Variants in ZNF418 observed in about 807,000 individuals in gnomAD.
The protein encoded by ZNF418 is zinc finger protein 418.
In ZNF418, 32 loss-of-function variants were observed where a neutral mutation model predicts 32.0. That is an observed-to-expected ratio of 1.00 (90% confidence interval 0.75 to 1.34). The LOEUF (loss-of-function observed/expected upper bound fraction) is 1.34, where lower values mean the gene tolerates loss of function less well. ZNF418 is among the 40% of genes most tolerant of loss of function. The probability of loss-of-function intolerance (pLI) is 0.00; values close to 1 mark genes in which losing one functional copy is unlikely to be tolerated. For missense variants in ZNF418, 804 were observed against 812.5 expected, an observed-to-expected ratio of 0.99 and a Z score of 0.13; for synonymous variants, 276 against 270.7, an observed-to-expected ratio of 1.02 and a Z score of -0.19.
intron 2 of ZNF418, chr19:57,932,668 AG>A: frequency 7.2e-7 from 1 of 1,398,532 alleles, no homozygotes; most frequent in Non-Finnish European, 9.3e-7. Flanking sequence ...GGAAAACAAA[AG>A]AAAAAAATAA....
At position 57,922,540 on chromosome 19, in the gene ZNF418, C is replaced by A. The variant is rs778503983; in HGVS notation, c.*715G>T. ...GAGAACATGCAGATCATAATCAGTT[C>A]ATATTTATAATCTTGGGCTGGAGGC... On this transcript the variant is annotated 3_prime_UTR_variant, in exon 6 of 6. Coordinates refer to ENST00000396147, the MANE Select transcript of ZNF418 (RefSeq NM_133460.3). 1.4e-4 allele frequency: 55 copies of A among 398,298 alleles called. No homozygotes were observed. The highest frequency in any genetic ancestry group is 2.1e-4 in the Non-Finnish European group (48 of 226,028). The allele number at this position is 398,298 out of a possible 1,614,324, so 24.7% of individuals were successfully genotyped here.
intron 1 of ZNF418, 183 bp from the exon 2 acceptor site, chr19:57,934,085 T>A (rs894073222): frequency 2.1e-6 from 3 of 1,412,602 alleles, no homozygotes; most frequent in Non-Finnish European, 2.8e-6. Flanking sequence ...GACTTAGGAT[T>A]CTGGGTTTAG....
At position 57,927,895 on chromosome 19, in the gene ZNF418, G is replaced by C. The variant is rs768122571; in HGVS notation, c.286C>G (p.His96Asp). 3 of 1,614,098 alleles carry C rather than the reference G, an allele frequency of 1.9e-6. No homozygotes were observed. The Admixed American group carries it at 5.0e-5, about 27-fold the overall frequency. The stretch of plus-strand genomic sequence containing the variant: ...TGTGTCCCCTGATGATCTGCCAAGT[G>C]CAAAATGTCTCCCAAGATCGCGCCA... ...MCGAILGDIL[H>D]LADHQGTHHK... Residue 96 changes from histidine to aspartate, a missense_variant, in exon 4 of 6, where the codon CAC (histidine) becomes GAC (aspartate). This residue lies in a region of ZNF418 where 307 missense variants were observed against 304.9 expected (regional missense o/e 1.01). Coordinates refer to ENST00000396147, the MANE Select transcript of ZNF418 (RefSeq NM_133460.3).
rs2072066472 is a variant in ZNF418, at chr19:57,923,294, C to T, written c.*528-5G>A. ...CTGGGCAGACAGACGGACATTCTGT[C>T]TCAAAAACAAAAAAAATTAAGAAAG... On this transcript the variant is annotated splice_region_variant and splice_polypyrimidine_tract_variant and intron_variant, in intron 4 of 5. Transcript: ENST00000396147. The T allele has an allele frequency of 6.6e-6, 1 of 151,734 alleles. No homozygotes were observed. Among genetic ancestry groups the T allele is most frequent in the African/African-American group, 2.4e-5 (1 of 41,292 alleles). 9.4% of individuals were successfully genotyped at this position (151,734 alleles called of 1,614,324 possible).
chr19:57,932,176 T>C (rs2072514484), intron 2 of ZNF418, among the ~76,000 whole-genome samples: 1 of 152,158 alleles, frequency 6.6e-6, no homozygotes, highest in South Asian at 2.1e-4. Context: ...AGAAATGGAA[T>C]TGAAACCCAG....
intron 2 of ZNF418, 55 bp downstream of exon 2, chr19:57,933,762 A>T (rs2072575833): frequency 1.4e-5 from 23 of 1,605,546 alleles, no homozygotes; most frequent in Non-Finnish European, 2.0e-5. Context: ...ACAAACTGTG[A>T]ATCTTGAATC....
Position 57,926,724 on chromosome 19 carries a change from TCATTA to T in ZNF418, c.1452_1456del (p.Cys484Ter). 1 of 1,614,184 alleles carries T rather than the reference TCATTA, an allele frequency of 6.2e-7. No individual in the cohort carries two copies. Among genetic ancestry groups the T allele is most frequent in the Non-Finnish European group, 8.5e-7 (1 of 1,180,032 alleles). On this transcript the variant is annotated stop_gained and frameshift_variant, in exon 4 of 6. Coordinates refer to ENST00000396147, the MANE Select transcript of ZNF418 (RefSeq NM_133460.3). LOFTEE classifies it low-confidence loss of function (END_TRUNC). ...GCTGTCTTGAAATGATTTCCCACAT[TCATTA>T]CATTCATATGGCCTTTCTCCAGTGT...
Position 57,922,279 on chromosome 19 carries a change from T to G in ZNF418, c.*976A>C. Reference sequence around the variant, plus strand: ...GTCCCTGTACATGACGAGATGGGCTTTTATTAACCTCTTTGTTAGTTTCAT... The same window carrying G: ...GTCCCTGTACATGACGAGATGGGCTGTTATTAACCTCTTTGTTAGTTTCAT... On this transcript the variant is annotated 3_prime_UTR_variant, in exon 6 of 6. Coordinates refer to ENST00000396147, the MANE Select transcript of ZNF418 (RefSeq NM_133460.3). The G allele has an allele frequency of 3.6e-6, 1 of 274,108 alleles. No homozygotes were observed. Among genetic ancestry groups the G allele is most frequent in the Non-Finnish European group, 6.8e-6 (1 of 147,656 alleles). 17.0% of individuals were successfully genotyped at this position (274,108 alleles called of 1,614,324 possible).
chr19:57,930,714 C>T (rs1280559523), intron 2 of ZNF418, among the ~76,000 whole-genome samples, 160 bp from the exon 3 acceptor site: 1 of 152,132 alleles, frequency 6.6e-6, no homozygotes, highest in Non-Finnish European at 1.5e-5. Context: ...CGTGGGCCCA[C>T]TGGTCACTCA....
intron 3 of ZNF418, among the ~76,000 whole-genome samples, chr19:57,928,555 C>T (rs916608101): frequency 6.6e-6 from 1 of 152,074 alleles, no homozygotes; most frequent in Non-Finnish European, 1.5e-5. Context: ...TAAGCCAATG[C>T]ACCTGCTGTA....
intron 2 of ZNF418, among the ~76,000 whole-genome samples, chr19:57,930,763 G>A (rs2072452871): frequency 6.6e-6 from 1 of 152,026 alleles, no homozygotes; most frequent in Admixed American, 6.6e-5. Context: ...GGAAAAATAG[G>A]GATCTATGCT....
Position 57,927,942 on chromosome 19 carries a change from T to G in ZNF418, c.239A>C (p.Lys80Thr), listed in dbSNP as rs998810022. 3 of 1,613,548 alleles carry G rather than the reference T, an allele frequency of 1.9e-6. No homozygotes were observed. In the African/African-American group the frequency reaches 4.0e-5, roughly 22 times the overall value. Reference protein sequence around the residue: ...STPGAGVSPKKAHSCEMCGAI... With the variant: ...STPGAGVSPKTAHSCEMCGAI... ...GCCACACATTTCACAAGAGTGGGCCTTCTTGGGAGACACACCTGCCCCAGG... is the reference window on the plus strand; with the variant it reads ...GCCACACATTTCACAAGAGTGGGCCGTCTTGGGAGACACACCTGCCCCAGG... Residue 80 changes from lysine to threonine, a missense_variant, in exon 4 of 6, where the codon AAG (lysine) becomes ACG (threonine). By Grantham distance (78) the Lys-to-Thr change is moderately conservative (BLOSUM62 -1). Coordinates refer to ENST00000396147, the MANE Select transcript of ZNF418 (RefSeq NM_133460.3).
At position 57,922,195 on chromosome 19, in the gene ZNF418, T is replaced by C. The variant is rs1327151452; in HGVS notation, c.*1060A>G. ...ATATATCTGTTATACAGTGTCGAAC[T>C]CCTGGCCTCCAGGATGTTCTTGCCT... On this transcript the variant is annotated 3_prime_UTR_variant, in exon 6 of 6. Transcript: ENST00000396147. 2.4e-5 allele frequency: 4 copies of C among 167,098 alleles called. No homozygotes were observed. The highest frequency in any genetic ancestry group is 7.1e-5 in the African/African-American group (3 of 42,150). The allele number at this position is 167,098 out of a possible 1,614,324, so 10.4% of individuals were successfully genotyped here.
In ZNF418 at chr19:57,931,028, G is replaced by T. The variant is rs536127540; in HGVS notation, c.7-474C>A. On this transcript the variant is annotated intron_variant, in intron 2 of 5. Coordinates refer to ENST00000396147, the MANE Select transcript of ZNF418 (RefSeq NM_133460.3). Reference sequence around the variant, plus strand: ...CTGACCTCGTGATCCACCCGCCTCAGCCTCCCAAAGTGTTGGGATTATAGG... The same window carrying T: ...CTGACCTCGTGATCCACCCGCCTCATCCTCCCAAAGTGTTGGGATTATAGG... Among the ~76,000 whole-genome samples the T allele has an allele frequency of 9.2e-5, 14 of 152,096 alleles. No individual in the cohort carries two copies. The East Asian group carries it at 2.5e-3, about 28-fold the overall frequency.
Position 57,927,640 on chromosome 19 carries a change from G to A in ZNF418, c.541C>T (p.His181Tyr). The A allele has an allele frequency of 1.9e-6, 3 of 1,614,024 alleles. No individual in the cohort carries two copies. The highest frequency in any genetic ancestry group is 2.2e-5 in the East Asian group (1 of 44,880). ...TTGCTGTTTGACTTCTCCCCAGTGT[G>A]AGTGGCCTCCTGCAGCAGTAATCCT... The part of the protein sequence containing the change: ...SSGLLLQEAT[H>Y]TGEKSNSKPE... Residue 181 changes from histidine (H) to tyrosine (Y), a missense_variant, in exon 4 of 6, where the codon CAC becomes TAC. This residue lies in a region of ZNF418 where 307 missense variants were observed against 304.9 expected (regional missense o/e 1.01). Coordinates refer to ENST00000396147, the MANE Select transcript of ZNF418 (RefSeq NM_133460.3).
In ZNF418 at chr19:57,934,215, C is replaced by T. The variant is rs115046054; in HGVS notation, c.-80-313G>A. On this transcript the variant is annotated intron_variant, in intron 1 of 5. Transcript: ENST00000396147. ...GGCCAGTGAGGGAATGGAACACCCTCTAATTCCCTCTGTGGGTTCCTTTTT... is the reference window on the plus strand; with the variant it reads ...GGCCAGTGAGGGAATGGAACACCCTTTAATTCCCTCTGTGGGTTCCTTTTT... 2,475 of 1,093,328 alleles carry T rather than the reference C, an allele frequency of 2.3e-3. 41 individuals carry two copies. In the African/African-American group the frequency reaches 0.034, roughly 15 times the overall value. 67.7% of individuals were successfully genotyped at this position (1,093,328 alleles called of 1,614,324 possible).
In ZNF418 at chr19:57,927,518, C is replaced by T. The variant is rs2072292184; in HGVS notation, c.663G>A (p.Gln221=). The T allele has an allele frequency of 6.2e-7, 1 of 1,614,258 alleles. No individual in the cohort carries two copies. The highest frequency in any genetic ancestry group is 8.5e-7 in the Non-Finnish European group (1 of 1,180,046). Residue 221 remains glutamine (Q), a synonymous_variant, in exon 4 of 6, where the codon CAG becomes CAA. Transcript: ENST00000396147. ...HSSTKHVFVQ[Q]QRLPSREECY... Reference sequence around the variant, plus strand: ...ATTCCTCTCTAGAGGGAAGTCTCTGCTGTTGAACAAATACGTGTTTGGTGC... The same window carrying T: ...ATTCCTCTCTAGAGGGAAGTCTCTGTTGTTGAACAAATACGTGTTTGGTGC...
At position 57,930,432 on chromosome 19, in the gene ZNF418, G is replaced by A. The variant is rs770262462; in HGVS notation, c.129C>T (p.Ser43=). Residue 43 remains serine, a synonymous_variant, in exon 3 of 6, where the codon TCC becomes TCT. Transcript: ENST00000396147. ...GGTAGGGTGTGAGGAACTTACCCAG[G>A]GAGGATATAAGTACCCAGTTCTCCA... is the stretch of plus-strand genomic sequence containing the variant. The part of the protein sequence containing the change: ...VMLENWVLIS[S]LGCWCGSEDE... 9.3e-6 allele frequency: 15 copies of A among 1,613,924 alleles called. No individual in the cohort carries two copies. The highest frequency in any genetic ancestry group is 1.7e-5 in the Admixed American group (1 of 59,986).
rs776526938 is a variant in ZNF418 at position 57,926,705 on chromosome 19, T to C, written c.1476A>G (p.Gln492=). 5 of 1,613,250 alleles carry C rather than the reference T, an allele frequency of 3.1e-6. No individual in the cohort carries two copies. The highest frequency in any genetic ancestry group is 1.1e-5 in the South Asian group (1 of 91,034). Residue 492 remains glutamine, a synonymous_variant, in exon 4 of 6, where the codon CAA becomes CAG. Transcript: ENST00000396147. ...YECNECGKSF[Q]DSSGFRVHQR... ...GATGAACACGAAACCCAGAGCTGTC[T>C]TGAAATGATTTCCCACATTCATTAC... is the stretch of plus-strand genomic sequence containing the variant.
Sources: gnomAD v4.1 joint callset for allele counts (sites outside exome capture counted in the v4.1 genomes callset) on GRCh38, gnomAD v4.1.1 for gene constraint, gnomAD v4.1.1 regional missense constraint, MANE v1.5 for transcripts, NCBI Gene and HGNC (gene_info 2026-07-23, HGNC 2026-07-21) for gene names.